The following ATP2C2 variants were observed in gnomAD, a reference collection of about 807,000 sequenced individuals.
The protein encoded by ATP2C2 is calcium-transporting ATPase type 2C member 2.
Under a neutral mutation model 110.8 loss-of-function variants are expected in ATP2C2, and 171 were observed. The ratio of observed to expected loss-of-function variants is 1.54; its 90% CI spans 1.36 to 1.75. The LOEUF is 1.75. Ranked by LOEUF, ATP2C2 falls within the 40% of genes most tolerant of loss-of-function variation. ATP2C2 has a pLI of 0.00. For missense variants in ATP2C2, 1,963 were observed against 1,235.0 expected (o/e 1.59, Z -8.84); for synonymous variants, 804 against 508.4 (o/e 1.58, Z -7.82).
At chr16:84,461,087 C>A in intron 24 of ATP2C2, 1 of 423,734 alleles carries the variant, frequency 2.4e-6, no homozygotes, top group East Asian at 4.0e-5. Flanking sequence ...GACAGGCTGC[C>A]CCCTGTTCCC....
intron 7 of ATP2C2, among the ~76,000 whole-genome samples, chr16:84,419,205 CT>C (rs1907103417): frequency 2.0e-5 from 1 of 50,996 alleles, no homozygotes; most frequent in East Asian, 6.7e-4. Flanking sequence ...GAGACCCCAT[CT>C]TTAAAAAAAA....
At chr16:84,378,939 T>G (rs531967726) in intron 1 of ATP2C2, among the ~76,000 whole-genome samples, 69 of 151,940 alleles carry the variant, frequency 4.5e-4, no homozygotes, top group African/African-American at 1.6e-3. Flanking sequence ...CTCCAGCCAC[T>G]CCTCTGGCCC....
intron 11 of ATP2C2, 140 bp downstream of exon 11, chr16:84,425,941 C>A (rs1907776591): frequency 2.0e-6 from 2 of 985,698 alleles, no homozygotes; most frequent in Middle Eastern, 3.2e-4. Flanking sequence ...ACTCCAGCCT[C>A]CCAATAGCAT....
At chr16:84,398,433 A>G in intron 1 of ATP2C2, 66 bp from the exon 2 acceptor site, 1 of 981,246 alleles carries the variant, frequency 1.0e-6, no homozygotes, top group African/African-American at 1.7e-5. Flanking sequence ...AAAATAAAAA[A>G]TAAATTTAAA....
At chr16:84,384,411 G>A (rs1904294888) in intron 1 of ATP2C2, among the ~76,000 whole-genome samples, 1 of 152,170 alleles carries the variant, frequency 6.6e-6, no homozygotes, top group Admixed American at 6.5e-5. Context: ...ACGCGCTTCT[G>A]GAGAAAGCCC....
At chr16:84,462,181 G>A (rs1380101576) in intron 26 of ATP2C2, 52 bp downstream of exon 26, 1 of 1,577,942 alleles carries the variant, frequency 6.3e-7, no homozygotes, top group East Asian at 2.3e-5. Flanking sequence ...GCCATGGGGG[G>A]CGGCAGCTGC....
chr16:84,423,335 G>T, intron 10 of ATP2C2, 72 bp downstream of exon 10: 1 of 1,423,388 alleles, frequency 7.0e-7, no homozygotes. Context: ...GGTTGCCATG[G>T]CCGTTTCTCA....
chr16:84,423,062 T>C, intron 9 of ATP2C2, 126 bp from the exon 10 acceptor site: 1 of 749,004 alleles, frequency 1.3e-6, no homozygotes, highest in Non-Finnish European at 2.3e-6. Flanking sequence ...TCAATGAATG[T>C]TGACATATGT....
intron 21 of ATP2C2, 73 bp downstream of exon 21, chr16:84,455,057 A>T: frequency 7.5e-6 from 10 of 1,329,996 alleles, no homozygotes; most frequent in Non-Finnish European, 9.3e-6. Context: ...GGAACCTGCT[A>T]CTGTGGAGAT....
chr16:84,461,097 C>A, intron 24 of ATP2C2: 1 of 402,060 alleles, frequency 2.5e-6, no homozygotes, highest in Non-Finnish European at 4.5e-6. Flanking sequence ...CCCCTGTTCC[C>A]TTGTCACCAG....
In ATP2C2 at chr16:84,440,956, G is replaced by C; in HGVS notation, c.1309G>C (p.Glu437Gln). Residue 437 changes from glutamate (E) to glutamine (Q), a missense_variant and splice_region_variant, in exon 14 of 27, where the codon GAG becomes CAG. Physicochemically the swap from Glu to Gln is conservative, Grantham distance 29. Coordinates refer to ENST00000262429, the MANE Select transcript of ATP2C2 (RefSeq NM_014861.4). ...CAATGTCTCAGTGGGAAAGTTAGTG[G>C]AGGTAGGTGTCAAAAGCGCCATGAG... ...FSNVSVGKLV[E>Q]AGCVANNAVI... The C allele has an allele frequency of 1.2e-6, 2 of 1,609,540 alleles. No homozygotes were observed. The highest frequency in any genetic ancestry group is 1.7e-6 in the Non-Finnish European group (2 of 1,177,228).
chr16:84,423,264 G>C lies in ATP2C2; in HGVS notation c.919+1G>C. On this transcript the variant is annotated splice_donor_variant, in intron 10 of 26. Transcript: ENST00000262429. LOFTEE classifies it high-confidence loss of function. ...ACACTCTTCTCCTTTGGCATAATCG[G>C]TGAGTGAAGCAGTTTCCATACTGGG... 1 of 1,613,492 alleles carries C rather than the reference G, an allele frequency of 6.2e-7. No individual in the cohort carries two copies.
Position 84,404,013 on chromosome 16 carries a change from T to C in ATP2C2, c.211-1115T>C, listed in dbSNP as rs1481709422. 2.0e-5 allele frequency among the ~76,000 whole-genome samples: 3 copies of C among 152,192 alleles called. No homozygotes were observed. In the South Asian group the frequency reaches 6.2e-4, roughly 32 times the overall value. On this transcript the variant is annotated intron_variant, in intron 2 of 26. Coordinates refer to ENST00000262429, the MANE Select transcript of ATP2C2 (RefSeq NM_014861.4). The stretch of plus-strand genomic sequence containing the variant: ...ACCAGTTTATTATAAAGGCAAAGGA[T>C]ACCGATGAAGAGACGCATAGGGCAG...
rs202197722 is a variant in ATP2C2, at chr16:84,425,790, G to A, written c.975G>A (p.Thr325=). 17 of 1,614,110 alleles carry A rather than the reference G, an allele frequency of 1.1e-5. No homozygotes were observed. The Admixed American group carries it at 1.3e-4, about 13-fold the overall frequency. ...GGAAACAACTCCTGAGTATGTTCAC[G>A]ATCGGGGTCAGGTAAGAGTGCTATG... ...SQGKQLLSMF[T]IGVSLAVAAI... The change falls in exon 11 of 27, where the codon ACG becomes ACA. Residue 325 remains threonine, a synonymous_variant. Transcript: ENST00000262429.
chr16:84,385,293 G>T (rs909937033), intron 1 of ATP2C2, among the ~76,000 whole-genome samples: 1 of 152,084 alleles, frequency 6.6e-6, no homozygotes. Context: ...GAGATCTCAC[G>T]AGAACTCACA....
intron 11 of ATP2C2, among the ~76,000 whole-genome samples, chr16:84,431,872 A>G (rs1597824244): frequency 6.6e-6 from 1 of 150,960 alleles, no homozygotes; most frequent in African/African-American, 2.4e-5. Context: ...GGGAGGTGGG[A>G]GCCCCAGCTT....
intron 1 of ATP2C2, among the ~76,000 whole-genome samples, chr16:84,387,441 G>T (rs1904379546): frequency 6.6e-6 from 1 of 152,170 alleles, no homozygotes; most frequent in Non-Finnish European, 1.5e-5. Context: ...GAACCAGGGA[G>T]GCGGAGGTTG....
rs201235841 is a variant in ATP2C2 at position 84,423,220 on chromosome 16, C to A, written c.876C>A (p.Asp292Glu). ...TPKTPLQKSMDRLGKQLTLFS... is the reference protein window; with the variant it reads ...TPKTPLQKSMERLGKQLTLFS... ...AAACTCCTTTGCAGAAAAGCATGGA[C>A]AGGCTAGGAAAGCAACTGACACTCT... Residue 292 changes from aspartate to glutamate, a missense_variant, in exon 10 of 27, where the codon GAC (aspartate) becomes GAA (glutamate). Asp to Glu is a conservative substitution (Grantham distance 45). Transcript: ENST00000262429. 4.3e-6 allele frequency: 7 copies of A among 1,613,972 alleles called. No homozygotes were observed. Among genetic ancestry groups the A allele is most frequent in the Middle Eastern group, 1.6e-4 (1 of 6,084 alleles).
chr16:84,406,604 G>A, intron 3 of ATP2C2: 1 of 985,568 alleles, frequency 1.0e-6, no homozygotes, highest in African/African-American at 1.7e-5. Context: ...CAGTGTTCTG[G>A]GAATGTTATT....
Sources: gnomAD v4.1 joint callset for allele counts (sites outside exome capture counted in the v4.1 genomes callset) on GRCh38, gnomAD v4.1.1 for gene constraint, MANE v1.5 for transcripts, NCBI Gene and HGNC (gene_info 2026-07-23, HGNC 2026-07-21) for gene names.